CFAP77: variants seen among roughly 807,000 people sequenced by gnomAD.
CFAP77 encodes cilia and flagella associated protein 77.
In CFAP77, 25 loss-of-function variants were observed where a neutral mutation model predicts 31.1. That is an observed-to-expected ratio of 0.80 (90% CI 0.59 to 1.12). The LOEUF (loss-of-function observed/expected upper bound fraction) is 1.12, where lower values mean the gene tolerates loss of function less well. CFAP77 is among the 50% of genes most tolerant of loss of function. The probability of loss-of-function intolerance (pLI) is 0.00; values close to 1 mark genes in which losing one functional copy is unlikely to be tolerated. For missense variants in CFAP77, 377 were observed against 397.3 expected (o/e 0.95, Z 0.44); for synonymous variants, 151 against 159.9 (o/e 0.94, Z 0.42).
At chr9:132,551,330 A>C (rs1468406787) in intron 5 of CFAP77, among the ~76,000 whole-genome samples, 2 of 147,154 alleles carry the variant, frequency 1.4e-5, no homozygotes, top group African/African-American at 5.0e-5. Context: ...ATGGAGTCTC[A>C]CTCTGTTGCC....
At chr9:132,453,146 T>C (rs1036105341) in intron 1 of CFAP77, among the ~76,000 whole-genome samples, 1 of 152,172 alleles carries the variant, frequency 6.6e-6, no homozygotes, top group Admixed American at 6.5e-5. Flanking sequence ...ATGCCCTCAG[T>C]GAATCTCCAT....
chr9:132,463,499 C>T (rs767142654), intron 1 of CFAP77, among the ~76,000 whole-genome samples: 10 of 152,272 alleles, frequency 6.6e-5, no homozygotes, highest in Non-Finnish European at 1.2e-4. Context: ...TGGGCCACCC[C>T]CACCTGGATA....
chr9:132,447,002 G>T (rs570018195), intron 1 of CFAP77, among the ~76,000 whole-genome samples: 2 of 152,148 alleles, frequency 1.3e-5, no homozygotes, highest in African/African-American at 2.4e-5. Context: ...TGCTTCTCCC[G>T]CTTCGGCCTC....
chr9:132,421,182 A>AT (rs1850210231), intron 1 of CFAP77, among the ~76,000 whole-genome samples: 1 of 151,756 alleles, frequency 6.6e-6, no homozygotes, highest in African/African-American at 2.4e-5. Flanking sequence ...TAATTTTTGT[A>AT]TTTTTAGTAG....
intron 1 of CFAP77, among the ~76,000 whole-genome samples, chr9:132,429,151 A>G (rs113796260): frequency 6.0e-4 from 91 of 151,842 alleles, no homozygotes; most frequent in Non-Finnish European, 1.2e-3. Context: ...ACTGCTAGAG[A>G]TTGCGGAGGA....
At chr9:132,414,499 T>TCACACACACACA (rs34016277) in intron 1 of CFAP77, among the ~76,000 whole-genome samples, 5 of 143,790 alleles carry the variant, frequency 3.5e-5, no homozygotes, top group African/African-American at 1.0e-4. Flanking sequence ...TAGCTCTTAT[T>TCACACACACACA]CACACACACA....
chr9:132,515,839 C>T (rs373830445), intron 3 of CFAP77, among the ~76,000 whole-genome samples: 16 of 151,424 alleles, frequency 1.1e-4, no homozygotes, highest in East Asian at 7.8e-4. Flanking sequence ...GTTTCTCCGT[C>T]GGTCAGTGGG....
chr9:132,436,059 G>A (rs559597450), intron 1 of CFAP77, among the ~76,000 whole-genome samples: 7 of 152,298 alleles, frequency 4.6e-5, no homozygotes, highest in African/African-American at 1.7e-4. Flanking sequence ...TATGGACTTG[G>A]CAGGTGTATT....
At position 132,498,297 on chromosome 9, in the gene CFAP77, T is replaced by A. The variant is rs1490970232; in HGVS notation, c.196-398T>A. ...AATGAAGGTAGGAAAGATGTCTCCT[T>A]CCTTCGACGGGGCCTCCAGATGAGG... On this transcript the variant is annotated intron_variant, in intron 1 of 5. Coordinates refer to ENST00000393216, the MANE Select transcript of CFAP77 (RefSeq NM_001282957.2). This position sits in a 1 kb window ranked among gnomAD's most constrained non-coding sequence, Gnocchi z 4.2. Among the ~76,000 whole-genome samples, 2 of 152,042 alleles carry A rather than the reference T, an allele frequency of 1.3e-5. No individual in the cohort carries two copies. The highest frequency in any genetic ancestry group is 2.9e-5 in the Non-Finnish European group (2 of 67,994).
intron 5 of CFAP77, among the ~76,000 whole-genome samples, chr9:132,567,063 C>T (rs1274679083): frequency 6.6e-6 from 1 of 152,204 alleles, no homozygotes; most frequent in African/African-American, 2.4e-5. Flanking sequence ...AGGAGGAGCC[C>T]TTCCTTGAGC....
chr9:132,536,200 G>A (rs146792400), intron 3 of CFAP77, among the ~76,000 whole-genome samples: 269 of 152,082 alleles, frequency 1.8e-3, no homozygotes, highest in African/African-American at 6.0e-3. Context: ...AGGGGAGCTG[G>A]GAGTTATTAA....
chr9:132,437,395 C>T (rs75506342), intron 1 of CFAP77, among the ~76,000 whole-genome samples: 4,048 of 151,784 alleles, frequency 0.027, 173 homozygotes, highest in African/African-American at 0.091. Context: ...CGACGCAGGA[C>T]GTGGCAAGAG....
At chr9:132,523,689 G>T (rs1310968434) in intron 3 of CFAP77, among the ~76,000 whole-genome samples, 2 of 152,220 alleles carry the variant, frequency 1.3e-5, no homozygotes, top group African/African-American at 4.8e-5. Flanking sequence ...CGGTCCCTTA[G>T]GTGAAACCTC....
chr9:132,521,778 T>TTTTTTTTTTGTTTTTTG (rs533275755), intron 3 of CFAP77, among the ~76,000 whole-genome samples: 1 of 106,118 alleles, frequency 9.4e-6, no homozygotes, highest in African/African-American at 3.8e-5. Flanking sequence ...TTTTTTTTTT[T>TTTTTTTTTTGTTTTTTG]TTTTTTGAGA....
At chr9:132,562,705 A>T (rs545569078) in intron 5 of CFAP77, among the ~76,000 whole-genome samples, 199 of 146,890 alleles carry the variant, frequency 1.4e-3, no homozygotes, top group Middle Eastern at 3.6e-3. Flanking sequence ...GTTTTATTTT[A>T]TTTTTTTTTT....
At chr9:132,569,870 G>C (rs1374988090) in intron 5 of CFAP77, among the ~76,000 whole-genome samples, 1 of 151,856 alleles carries the variant, frequency 6.6e-6, no homozygotes, top group Non-Finnish European at 1.5e-5. Context: ...CCTGTAGCTG[G>C]GACTACAGGC....
chr9:132,561,980 G>A (rs934439314), intron 5 of CFAP77, among the ~76,000 whole-genome samples: 7 of 152,194 alleles, frequency 4.6e-5, no homozygotes, highest in Non-Finnish European at 5.9e-5. Context: ...GAGCCTCTGC[G>A]TCTTGGATAT....
At chr9:132,463,787 C>T (rs1002242553) in intron 1 of CFAP77, among the ~76,000 whole-genome samples, 1 of 152,152 alleles carries the variant, frequency 6.6e-6, no homozygotes, top group African/African-American at 2.4e-5. Flanking sequence ...GAGTCCAGGC[C>T]CAAGGACAGC....
At position 132,456,754 on chromosome 9, in the gene CFAP77, A is replaced by T. The variant is rs572555852; in HGVS notation, c.196-41941A>T. On this transcript the variant is annotated intron_variant, in intron 1 of 5. Coordinates refer to ENST00000393216, the MANE Select transcript of CFAP77 (RefSeq NM_001282957.2). ...TGATCCAACTGGAGATTTAAAAAAA[A>T]TTTTTTTTTTTTTTGAGACACGGTC... 3.5e-3 allele frequency among the ~76,000 whole-genome samples: 518 copies of T among 146,504 alleles called. 5 individuals are homozygous for T. The highest frequency in any genetic ancestry group is 7.9e-3 in the African/African-American group (316 of 40,182).
Sources: gnomAD v4.1 joint callset for allele counts (sites outside exome capture counted in the v4.1 genomes callset) on GRCh38, gnomAD v4.1.1 for gene constraint, Gnocchi (gnomAD v3.1) non-coding constraint, MANE v1.5 for transcripts, NCBI Gene and HGNC (gene_info 2026-07-23, HGNC 2026-07-21) for gene names.